The following PRKG1 variants were observed in gnomAD, a reference collection of about 807,000 sequenced individuals.
The protein encoded by PRKG1 is cGMP-dependent protein kinase 1.
A neutral mutation model predicts 88.1 loss-of-function variants in PRKG1; 35 were observed. The ratio of observed to expected loss-of-function variants is 0.40; its 90% confidence interval spans 0.30 to 0.53. PRKG1 has a LOEUF of 0.53. Ranked by LOEUF, PRKG1 falls within the 20% of genes least tolerant of loss-of-function variation. The pLI is 0.59. For missense variants in PRKG1, 540 were observed against 839.8 expected (o/e 0.64, Z 4.41); for synonymous variants, 303 against 292.5 (o/e 1.04, Z -0.37).
intron 5 of PRKG1, among the ~76,000 whole-genome samples, chr10:52,054,058 C>T (rs1325754153): frequency 1.3e-5 from 2 of 152,016 alleles, no homozygotes; most frequent in African/African-American, 4.8e-5. Context: ...AGGAGCTCTG[C>T]TATTTTGTTT....
chr10:52,122,283 T>C (rs1297497749), intron 7 of PRKG1, among the ~76,000 whole-genome samples: 9 of 152,210 alleles, frequency 5.9e-5, no homozygotes, highest in Non-Finnish European at 1.2e-4. Context: ...CATTAATCCA[T>C]TCATGAGGGC....
chr10:50,998,420 A>G (rs996921198), intron 1 of PRKG1, among the ~76,000 whole-genome samples: 5 of 152,220 alleles, frequency 3.3e-5, no homozygotes, highest in African/African-American at 1.2e-4. Context: ...CTAAGGTTTC[A>G]GAAATAATTA....
intron 9 of PRKG1, among the ~76,000 whole-genome samples, chr10:52,196,105 T>G (rs1352365208): frequency 6.6e-6 from 1 of 152,122 alleles, no homozygotes; most frequent in Non-Finnish European, 1.5e-5. Context: ...CTCCGCCTCC[T>G]GGGTTCATGC....
chr10:51,433,368 T>C (rs763239185), intron 2 of PRKG1, among the ~76,000 whole-genome samples: 5 of 152,080 alleles, frequency 3.3e-5, no homozygotes, highest in Non-Finnish European at 7.4e-5. Context: ...GGTTGCCCCA[T>C]GTTGTAGCTT....
intron 1 of PRKG1, among the ~76,000 whole-genome samples, chr10:51,055,300 A>C (rs972920487): frequency 6.6e-6 from 1 of 152,120 alleles, no homozygotes; most frequent in African/African-American, 2.4e-5. Context: ...GAGGAATTGG[A>C]GTGGCTGATG....
rs754015819 is a variant in PRKG1, at chr10:51,525,271, AAAGG to A, written c.592+57454_592+57457del. Reference sequence around the variant, plus strand: ...AAAGAAGAAAGGGAAGGAAGGAAAAAAAGGAAGGAAGGAAGGAAGGAAAACCTTA... The same window carrying A: ...AAAGAAGAAAGGGAAGGAAGGAAAAAAAGGAAGGAAGGAAGGAAAACCTTA... On this transcript the variant is annotated intron_variant, in intron 3 of 17. Coordinates refer to ENST00000373980, the MANE Select transcript of PRKG1 (RefSeq NM_006258.4). 9.2e-5 allele frequency among the ~76,000 whole-genome samples: 14 copies of A among 151,726 alleles called. No individual in the cohort carries two copies. The East Asian group carries it at 9.7e-4, about 10-fold the overall frequency.
At chr10:52,011,324 C>A (rs968781495) in intron 5 of PRKG1, among the ~76,000 whole-genome samples, 1 of 152,208 alleles carries the variant, frequency 6.6e-6, no homozygotes, top group African/African-American at 2.4e-5. Flanking sequence ...CAAAAGCCTA[C>A]ATGTGCTGTT....
intron 4 of PRKG1, among the ~76,000 whole-genome samples, chr10:51,889,210 TC>T (rs1264062661): frequency 1.5e-5 from 1 of 65,834 alleles, no homozygotes; most frequent in Admixed American, 2.2e-4. Context: ...CCCTCCCCCC[TC>T]CCCCCACCCC....
intron 7 of PRKG1, among the ~76,000 whole-genome samples, chr10:52,131,121 G>T (rs1240698964): frequency 6.6e-6 from 1 of 152,148 alleles, no homozygotes; most frequent in Non-Finnish European, 1.5e-5. Flanking sequence ...CAAACCCTGA[G>T]CTCTGCCTTC....
chr10:51,859,415 A>G (rs1289836454), intron 4 of PRKG1, among the ~76,000 whole-genome samples: 1 of 151,466 alleles, frequency 6.6e-6, no homozygotes, highest in Non-Finnish European at 1.5e-5. Context: ...TCTGCAACAG[A>G]GCCTATTAAA....
At chr10:51,630,498 C>T (rs1166854176) in intron 3 of PRKG1, among the ~76,000 whole-genome samples, 2 of 152,136 alleles carry the variant, frequency 1.3e-5, no homozygotes, top group Non-Finnish European at 2.9e-5. Context: ...TTCAGATTTC[C>T]CGATAGACTT....
At chr10:51,280,136 T>A (rs1482882903) in intron 2 of PRKG1, among the ~76,000 whole-genome samples, 3 of 152,318 alleles carry the variant, frequency 2.0e-5, no homozygotes, top group Non-Finnish European at 2.9e-5. Context: ...CTTATGAAGC[T>A]TAGTTTGGCT....
At chr10:51,505,304 C>T (rs1421185221) in intron 3 of PRKG1, among the ~76,000 whole-genome samples, 3 of 152,196 alleles carry the variant, frequency 2.0e-5, no homozygotes, top group Non-Finnish European at 4.4e-5. Flanking sequence ...ACCAGCCTTG[C>T]ATCCCAGGGA....
Position 52,294,854 on chromosome 10 carries a change from A to G in PRKG1, c.*954A>G, listed in dbSNP as rs1842349153. On this transcript the variant is annotated 3_prime_UTR_variant, in exon 18 of 18. Coordinates refer to ENST00000373980, the MANE Select transcript of PRKG1 (RefSeq NM_006258.4). Reference sequence around the variant, plus strand: ...TTAAAACCCATCCAAAAAATAAATAAAAACTATATAGGTGCTATGTATATC... The same window carrying G: ...TTAAAACCCATCCAAAAAATAAATAGAAACTATATAGGTGCTATGTATATC... The G allele has an allele frequency of 6.6e-6, 1 of 152,468 alleles. No homozygotes were observed. The highest frequency in any genetic ancestry group is 6.6e-5 in the Admixed American group (1 of 15,206). The allele number at this position is 152,468 out of a possible 1,614,324, so 9.4% of individuals were successfully genotyped here. A position where few individuals can be genotyped will look rare whatever the true frequency, so the allele number is the denominator to read the frequency against.
intron 2 of PRKG1, among the ~76,000 whole-genome samples, chr10:51,464,634 G>A (rs779735182): frequency 8.6e-5 from 13 of 151,986 alleles, no homozygotes; most frequent in Non-Finnish European, 1.6e-4. Context: ...GCTCACGCCT[G>A]TAATCCCAGC....
intron 2 of PRKG1, among the ~76,000 whole-genome samples, chr10:51,261,642 G>C (rs1839707863): frequency 6.6e-6 from 1 of 152,154 alleles, no homozygotes; most frequent in Admixed American, 6.5e-5. Context: ...AATATCTTAA[G>C]AACGCATTCT....
At chr10:51,570,696 G>GA (rs59489443) in intron 3 of PRKG1, among the ~76,000 whole-genome samples, 17 of 147,766 alleles carry the variant, frequency 1.2e-4, no homozygotes, top group East Asian at 4.0e-4. Context: ...AAGAATTTTT[G>GA]AAAAAAAAAA....
At chr10:51,325,748 C>A (rs1841574465) in intron 2 of PRKG1, among the ~76,000 whole-genome samples, 1 of 152,166 alleles carries the variant, frequency 6.6e-6, no homozygotes, top group African/African-American at 2.4e-5. Flanking sequence ...TAGTTTCTTT[C>A]CTGACTGTGC....
intron 12 of PRKG1, among the ~76,000 whole-genome samples, chr10:52,277,308 G>T (rs1841896587): frequency 6.6e-6 from 1 of 152,074 alleles, no homozygotes; most frequent in Non-Finnish European, 1.5e-5. Context: ...GCAGTCAGAA[G>T]CACTTAAATA....
Sources: gnomAD v4.1 joint callset for allele counts (sites outside exome capture counted in the v4.1 genomes callset) on GRCh38, gnomAD v4.1.1 for gene constraint, MANE v1.5 for transcripts, NCBI Gene and HGNC (gene_info 2026-07-23, HGNC 2026-07-21) for gene names.